Variants in MGAT5 observed in about 807,000 individuals in gnomAD.
MGAT5 encodes the protein alpha-1,6-mannosylglycoprotein 6-beta-N-acetylglucosaminyltransferase A.
A neutral mutation model predicts 94.3 loss-of-function variants in MGAT5; 30 were observed. The ratio of observed to expected loss-of-function variants is 0.32; its 90% CI spans 0.24 to 0.43. MGAT5 has a LOEUF of 0.43. Among genes scored for constraint, MGAT5 ranks in the 20% least tolerant of loss-of-function variants. The pLI, the probability that MGAT5 is intolerant of heterozygous loss-of-function variation, is 1.00. For synonymous variants in MGAT5, 310 were observed against 322.9 expected (o/e 0.96, Z 0.43); for missense variants, 691 against 905.5 (o/e 0.76, Z 3.04).
chr2:134,205,546 G>A (rs541413702), intron 1 of MGAT5, among the ~76,000 whole-genome samples: 15 of 152,294 alleles, frequency 9.8e-5, no homozygotes, highest in African/African-American at 2.2e-4. Context: ...TGCTTTGTGC[G>A]TCTGTCAGAA....
intron 10 of MGAT5, among the ~76,000 whole-genome samples, chr2:134,384,126 G>A (rs1390440500): frequency 2.0e-5 from 3 of 151,712 alleles, no homozygotes; most frequent in Non-Finnish European, 2.9e-5. Context: ...ACTACTGTCT[G>A]TGGCTGCTTT....
chr2:134,125,137 A>T (rs1685784736), intron 1 of MGAT5, among the ~76,000 whole-genome samples: 1 of 152,050 alleles, frequency 6.6e-6, no homozygotes, highest in East Asian at 1.9e-4. Context: ...AGAAAATAGG[A>T]ATGATGGCGA....
chr2:134,384,696 G>A (rs1190837323), intron 10 of MGAT5, among the ~76,000 whole-genome samples: 1 of 152,088 alleles, frequency 6.6e-6, no homozygotes, highest in African/African-American at 2.4e-5. Context: ...GAAAAATCTT[G>A]AAAACTACAG....
chr2:134,252,993 A>G (rs1457758347), upstream of MGAT5: 1 of 152,212 alleles, frequency 6.6e-6, no homozygotes, highest in African/African-American at 2.4e-5. Context: ...TTCTTACCAT[A>G]TAGAACTTCT....
chr2:134,192,279 C>T (rs546600618), intron 1 of MGAT5, among the ~76,000 whole-genome samples: 7 of 152,260 alleles, frequency 4.6e-5, no homozygotes, highest in African/African-American at 1.4e-4. Context: ...TTCTCTTCCT[C>T]CTCCCATGAG....
In MGAT5 at chr2:134,189,802, A is replaced by G. The variant is rs144319057; in HGVS notation, c.-142-64460A>G. Among the ~76,000 whole-genome samples the G allele has an allele frequency of 5.6e-3, 855 of 151,824 alleles. 8 individuals carry two copies. The highest frequency in any genetic ancestry group is 0.02 in the African/African-American group (814 of 41,396). ...TTTTTACTAGAAACAGGTTTTCACC[A>G]TGTTGGCCAGGATGGTCTCCATCTC... On this transcript the variant is annotated intron_variant, in intron 1 of 16. Coordinates refer to the MGAT5 transcript ENST00000409645.
chr2:134,155,081 G>C (rs1377215499), intron 1 of MGAT5, among the ~76,000 whole-genome samples: 1 of 152,224 alleles, frequency 6.6e-6, no homozygotes, highest in Non-Finnish European at 1.5e-5. Flanking sequence ...TCTGATGGCA[G>C]GTGGATGGGG....
chr2:134,142,526 G>T (rs1480711313), intron 1 of MGAT5, among the ~76,000 whole-genome samples: 2 of 152,186 alleles, frequency 1.3e-5, no homozygotes, highest in African/African-American at 4.8e-5. Flanking sequence ...GTGTTACTCG[G>T]ATCTCCATTT....
chr2:134,313,498 G>T (rs72978167), intron 2 of MGAT5, among the ~76,000 whole-genome samples: 4,168 of 152,182 alleles, frequency 0.027, 171 homozygotes, highest in African/African-American at 0.087. Context: ...AGTTTTGGGG[G>T]AAAGATGTTG....
chr2:134,203,322 C>T (rs1679885360), intron 1 of MGAT5, among the ~76,000 whole-genome samples: 1 of 152,072 alleles, frequency 6.6e-6, no homozygotes, highest in African/African-American at 2.4e-5. Flanking sequence ...TGAGGTAGGG[C>T]TTTGGAATCT....
Position 134,343,784 on chromosome 2 carries a change from C to A in MGAT5, c.978-1146C>A, listed in dbSNP as rs140713147. On this transcript the variant is annotated intron_variant, in intron 7 of 15. Transcript: ENST00000281923. Reference sequence around the variant, plus strand: ...AGCCCTCTGTCTTTTTTTGTAAATACAGTTTCATGGGAACACAGCCATGCC... The same window carrying A: ...AGCCCTCTGTCTTTTTTTGTAAATAAAGTTTCATGGGAACACAGCCATGCC... 6.7e-3 allele frequency among the ~76,000 whole-genome samples: 1,026 copies of A among 152,228 alleles called. 11 individuals carry two copies. Among genetic ancestry groups the A allele is most frequent in the African/African-American group, 0.023 (962 of 41,552 alleles).
intron 2 of MGAT5, among the ~76,000 whole-genome samples, chr2:134,299,726 C>G (rs1685905173): frequency 6.6e-6 from 1 of 152,042 alleles, no homozygotes; most frequent in Admixed American, 6.6e-5. Flanking sequence ...GTACAGACTC[C>G]ATTCAAAAAT....
At position 134,426,879 on chromosome 2, in the gene MGAT5, G is replaced by A. The variant is rs557364733; in HGVS notation, c.1795-1486G>A. Among the ~76,000 whole-genome samples, 123 of 152,266 alleles carry A rather than the reference G, an allele frequency of 8.1e-4. 3 individuals are homozygous for A. In the South Asian group the frequency reaches 0.025, roughly 31 times the overall value. ...GAGATGAGCTGTCTAGGAATAGAGT[G>A]ACCTCTCTGTTCTTGTAGAATAGTC... On this transcript the variant is annotated intron_variant, in intron 13 of 15. Transcript: ENST00000281923.
intron 1 of MGAT5, among the ~76,000 whole-genome samples, chr2:134,208,319 A>G (rs1471335360): frequency 6.6e-6 from 1 of 152,194 alleles, no homozygotes; most frequent in Non-Finnish European, 1.5e-5. Context: ...TATGAATTTG[A>G]TGTGCGTATG....
intron 1 of MGAT5, among the ~76,000 whole-genome samples, chr2:134,125,526 A>G (rs890853606): frequency 6.6e-6 from 1 of 152,178 alleles, no homozygotes; most frequent in African/African-American, 2.4e-5. Context: ...AGAGAGGTGG[A>G]GGGACTTTCT....
chr2:134,353,983 A>G (rs1267218323), intron 9 of MGAT5, among the ~76,000 whole-genome samples: 1 of 152,102 alleles, frequency 6.6e-6, no homozygotes, highest in Admixed American at 6.5e-5. Context: ...CTTTCTTCCC[A>G]TGTGACAAAG....
At chr2:134,352,039 T>TA (rs1219988762) in intron 9 of MGAT5, among the ~76,000 whole-genome samples, 2 of 152,150 alleles carry the variant, frequency 1.3e-5, no homozygotes, top group Admixed American at 1.3e-4. Context: ...ATGCAAAAGT[T>TA]AAACAGCATA....
chr2:134,256,295 T>TC (rs1682958704), intron 1 of MGAT5, among the ~76,000 whole-genome samples: 1 of 152,220 alleles, frequency 6.6e-6, no homozygotes, highest in South Asian at 2.1e-4. Flanking sequence ...ATAAAGCTGA[T>TC]TGTCACCATT....
chr2:134,448,934 A>C lies in MGAT5; in HGVS notation c.*87A>C. 1 of 1,386,088 alleles carries C rather than the reference A, an allele frequency of 7.2e-7. No homozygotes were observed. The highest frequency in any genetic ancestry group is 9.9e-7 in the Non-Finnish European group (1 of 1,006,538). 85.9% of individuals were successfully genotyped at this position (1,386,088 alleles called of 1,614,324 possible). ...GCAGGGCCAGGGACAGAAGTCATGCAGGGACTCTGGCAAGAGCCTGAACTT... is the reference window on the plus strand; with the variant it reads ...GCAGGGCCAGGGACAGAAGTCATGCCGGGACTCTGGCAAGAGCCTGAACTT... On this transcript the variant is annotated 3_prime_UTR_variant, in exon 16 of 16. Coordinates refer to ENST00000281923, the MANE Select transcript of MGAT5 (RefSeq NM_002410.5).
Sources: allele counts gnomAD v4.1 joint callset (sites outside exome capture counted in the v4.1 genomes callset), GRCh38; gene constraint gnomAD v4.1.1; transcripts MANE v1.5; gene names NCBI Gene and HGNC (gene_info 2026-07-23, HGNC 2026-07-21).